C8orf34: variants seen among roughly 807,000 people sequenced by gnomAD.
C8orf34 encodes the protein uncharacterized protein C8orf34.
C8orf34 carries 65 observed loss-of-function variants against 68.3 expected under a neutral mutation model. The ratio of observed to expected loss-of-function variants is 0.95; its 90% CI spans 0.78 to 1.17. The LOEUF is 1.17. Ranked by LOEUF, C8orf34 falls within the 50% of genes most tolerant of loss-of-function variation. The pLI, the probability that C8orf34 is intolerant of heterozygous loss-of-function variation, is 0.00. For synonymous variants in C8orf34, 244 were observed against 241.2 expected (o/e 1.01, Z -0.11); for missense variants, 664 against 655.4 (o/e 1.01, Z -0.14).
chr8:68,543,817 G>C (rs531748051), intron 7 of C8orf34, among the ~76,000 whole-genome samples: 38 of 152,264 alleles, frequency 2.5e-4, no homozygotes, highest in Non-Finnish European at 4.7e-4. Flanking sequence ...GTAATAACTG[G>C]CTGTAACCCT....
intron 10 of C8orf34, among the ~76,000 whole-genome samples, chr8:68,774,608 A>G (rs1020407467): frequency 9.2e-5 from 14 of 152,152 alleles, no homozygotes; most frequent in Middle Eastern, 3.4e-3. Flanking sequence ...AGGAAGAAAT[A>G]TTACCACCTT....
chr8:68,536,511 T>G (rs1815482949), intron 7 of C8orf34, among the ~76,000 whole-genome samples: 1 of 152,034 alleles, frequency 6.6e-6, no homozygotes. Flanking sequence ...TTTTCTTACA[T>G]TAGATGCATT....
chr8:68,419,882 G>C (rs1010252169), intron 1 of C8orf34, among the ~76,000 whole-genome samples: 7 of 148,860 alleles, frequency 4.7e-5, no homozygotes, highest in African/African-American at 1.7e-4. Flanking sequence ...AATGCGAGAT[G>C]ACGAGTTAGT....
intron 7 of C8orf34, among the ~76,000 whole-genome samples, chr8:68,584,511 C>T (rs1469248312): frequency 6.6e-6 from 1 of 152,072 alleles, no homozygotes; most frequent in Non-Finnish European, 1.5e-5. Flanking sequence ...TTCATATATA[C>T]ATGTCCATAC....
At chr8:68,567,220 A>G (rs745946367) in intron 7 of C8orf34, among the ~76,000 whole-genome samples, 3 of 152,012 alleles carry the variant, frequency 2.0e-5, no homozygotes, top group Non-Finnish European at 1.5e-5. Flanking sequence ...TCTTCTTTGA[A>G]TGTCTTGTAC....
Position 68,427,192 on chromosome 8 carries a change from A to T in C8orf34, c.328-12307A>T, listed in dbSNP as rs1019033855. ...GCAGTAATTGTACTCTTAGGTACTT[A>T]TCCTAAAGAAATGAAACCTCATGTG... On this transcript the variant is annotated intron_variant, in intron 1 of 13. Transcript: ENST00000518698. Among the ~76,000 whole-genome samples the T allele has an allele frequency of 3.1e-4, 47 of 152,208 alleles. 1 individual carries two copies. Among genetic ancestry groups the T allele is most frequent in the Non-Finnish European group, 1.3e-4 (9 of 68,038 alleles).
intron 11 of C8orf34, among the ~76,000 whole-genome samples, chr8:68,782,661 G>T (rs1269466167): frequency 6.6e-6 from 1 of 152,166 alleles, no homozygotes; most frequent in East Asian, 1.9e-4. Context: ...CTGCTGTGGA[G>T]CCCATCTCTC....
At chr8:68,353,635 T>TAC (rs1806616822) in intron 1 of C8orf34, among the ~76,000 whole-genome samples, 1 of 115,836 alleles carries the variant, frequency 8.6e-6, no homozygotes, top group African/African-American at 3.0e-5. Context: ...ATTATATATA[T>TAC]ATTATATATA....
At position 68,687,708 on chromosome 8, in the gene C8orf34, G is replaced by T. The variant is rs564621349; in HGVS notation, c.1242-21286G>T. The stretch of plus-strand genomic sequence containing the variant: ...TCTTCGGGATATTGGCCTAGGCAAA[G>T]AATTCATGACTAAGACCCTAAAAGC... On this transcript the variant is annotated intron_variant, in intron 8 of 13. Transcript: ENST00000518698. Among the ~76,000 whole-genome samples the T allele has an allele frequency of 2.6e-5, 4 of 152,130 alleles. No homozygotes were observed. In the East Asian group the frequency reaches 7.8e-4, roughly 29 times the overall value.
intron 1 of C8orf34, among the ~76,000 whole-genome samples, chr8:68,410,854 G>A (rs1018391077): frequency 3.3e-5 from 5 of 152,154 alleles, no homozygotes; most frequent in African/African-American, 1.2e-4. Context: ...AGGGAGATAG[G>A]ATCCCAACTA....
chr8:68,737,334 A>G (rs1402952243), intron 10 of C8orf34, among the ~76,000 whole-genome samples: 1 of 152,062 alleles, frequency 6.6e-6, no homozygotes, highest in Non-Finnish European at 1.5e-5. Flanking sequence ...GCAAATATTC[A>G]TTACTTTTTC....
chr8:68,658,273 G>A (rs901263563), intron 8 of C8orf34, among the ~76,000 whole-genome samples: 4 of 152,210 alleles, frequency 2.6e-5, no homozygotes, highest in South Asian at 4.1e-4. Flanking sequence ...GATCTTGCAT[G>A]TCTGAAAATG....
At chr8:68,692,752 T>A (rs1333718914) in intron 8 of C8orf34, among the ~76,000 whole-genome samples, 2 of 152,088 alleles carry the variant, frequency 1.3e-5, no homozygotes, top group Non-Finnish European at 2.9e-5. Context: ...TGTCTTTGTG[T>A]ATCTGTCTTG....
rs994939114 is a variant in C8orf34 at position 68,793,115 on chromosome 8, T to C, written c.1549+5579T>C. On this transcript the variant is annotated intron_variant, in intron 12 of 13. Transcript: ENST00000518698. The stretch of plus-strand genomic sequence containing the variant: ...TTAATGGAAAGTTTTAATTCTCAAA[T>C]TGGAAAGCATAACAAACTCTATTTA... Among the ~76,000 whole-genome samples the C allele has an allele frequency of 2.0e-4, 30 of 152,134 alleles. 1 individual carries two copies. The highest frequency in any genetic ancestry group is 4.1e-4 in the Non-Finnish European group (28 of 68,012).
intron 8 of C8orf34, among the ~76,000 whole-genome samples, chr8:68,691,763 A>G (rs1314540258): frequency 1.3e-5 from 2 of 152,092 alleles, no homozygotes; most frequent in Non-Finnish European, 2.9e-5. Context: ...CTTGAAAGAT[A>G]AAGGTGAGTC....
chr8:68,574,484 A>G (rs541651370), intron 7 of C8orf34, among the ~76,000 whole-genome samples: 1 of 152,066 alleles, frequency 6.6e-6, no homozygotes, highest in Non-Finnish European at 1.5e-5. Context: ...AAAATTTAGC[A>G]TATAGAAAAG....
chr8:68,633,824 G>T (rs998506700), intron 7 of C8orf34, among the ~76,000 whole-genome samples: 3 of 151,148 alleles, frequency 2.0e-5, no homozygotes, highest in Admixed American at 2.0e-4. Flanking sequence ...AGACAGAAAG[G>T]TTCTGATACT....
At chr8:68,347,329 G>A (rs990070082) in intron 1 of C8orf34, among the ~76,000 whole-genome samples, 57 of 152,072 alleles carry the variant, frequency 3.7e-4, no homozygotes, top group African/African-American at 1.4e-3. Flanking sequence ...ATTCCATGGT[G>A]TATACGTACT....
chr8:68,591,474 A>G (rs1817386313), intron 7 of C8orf34, among the ~76,000 whole-genome samples: 1 of 152,216 alleles, frequency 6.6e-6, no homozygotes, highest in Admixed American at 6.5e-5. Flanking sequence ...GAAGACAACG[A>G]AAAAGGAATG....
Sources: gnomAD v4.1 joint callset for allele counts (sites outside exome capture counted in the v4.1 genomes callset) on GRCh38, gnomAD v4.1.1 for gene constraint, MANE v1.5 for transcripts, NCBI Gene and HGNC (gene_info 2026-07-23, HGNC 2026-07-21) for gene names.